Variants in GFI1B observed in about 807,000 individuals in gnomAD.
GFI1B encodes the protein growth factor independent 1B transcriptional repressor.
GFI1B carries 20 observed loss-of-function variants against 35.3 expected under a neutral mutation model. The observed-to-expected ratio is 0.57, with a 90% CI of 0.40 to 0.82. The LOEUF (loss-of-function observed/expected upper bound fraction) is 0.82. Among genes scored for constraint, GFI1B ranks in the 40% least tolerant of loss-of-function variants. The pLI is 0.00. For synonymous variants in GFI1B, 178 were observed against 177.6 expected (o/e 1.00, Z -0.02); for missense variants, 430 against 446.3 (o/e 0.96, Z 0.33).
chr9:132,986,997 G>A (rs915809518), intron 2 of GFI1B, among the ~76,000 whole-genome samples: 1 of 152,260 alleles, frequency 6.6e-6, no homozygotes, highest in African/African-American at 2.4e-5. Flanking sequence ...GTTGGAGCCA[G>A]TACTTAGTTA....
Position 132,986,772 on chromosome 9 carries a change from AC to A in GFI1B, c.98del (p.Pro33ArgfsTer134), listed in dbSNP as rs764369477. On this transcript the variant is annotated frameshift_variant, in exon 2 of 7. Transcript: ENST00000372122. LOFTEE classifies it high-confidence loss of function. ...EDEPLWPPAL[T>X]PVPRDQAPSN... ...TGAACCGCTCTGGCCTCCTGCCCTT[AC>A]CCCGGGTGAGTCAGAGCCCGGGCTG... is the stretch of plus-strand genomic sequence containing the variant. 2 of 1,606,246 alleles carry A rather than the reference AC, an allele frequency of 1.2e-6. No individual in the cohort carries two copies. The highest frequency in any genetic ancestry group is 1.7e-6 in the Non-Finnish European group (2 of 1,175,280).
At chr9:132,977,610 T>C (rs973520675), upstream of GFI1B, among the ~76,000 whole-genome samples, 3 of 152,184 alleles carry the variant, frequency 2.0e-5, no homozygotes, top group Admixed American at 6.5e-5. Flanking sequence ...TCTCATCTTA[T>C]GCAAAACCTC....
At chr9:132,977,610 T>A (rs973520675), upstream of GFI1B, among the ~76,000 whole-genome samples, 14 of 152,184 alleles carry the variant, frequency 9.2e-5, no homozygotes, top group African/African-American at 3.4e-4. Context: ...TCTCATCTTA[T>A]GCAAAACCTC....
chr9:132,989,290 T>A lies in GFI1B; in HGVS notation c.648+92T>A. 1 of 1,273,328 alleles carries A rather than the reference T, an allele frequency of 7.9e-7. No individual in the cohort carries two copies. The highest frequency in any genetic ancestry group is 1.1e-6 in the Non-Finnish European group (1 of 888,158). The allele number at this position is 1,273,328 out of a possible 1,614,324, so 78.9% of individuals were successfully genotyped here. A position where few individuals can be genotyped will look rare whatever the true frequency, so the allele number is the denominator to read the frequency against. On this transcript the variant is annotated intron_variant, in intron 5 of 6. Transcript: ENST00000372122. The surrounding 1 kb of genome is among the most constrained non-coding windows in gnomAD (Gnocchi z 6.2). ...GGGGCTGTGGCTGGGTCCCTCCCCC[T>A]GCCCCTGGGGGTGACACAGATTGGG...
At chr9:132,977,146 G>A (rs1848653615), upstream of GFI1B, among the ~76,000 whole-genome samples, 1 of 152,106 alleles carries the variant, frequency 6.6e-6, no homozygotes, top group Non-Finnish European at 1.5e-5. Flanking sequence ...TTGTAGAGAT[G>A]GGGTTTCTCC....
chr9:132,987,215 C>T (rs1849101433), intron 2 of GFI1B, 67 bp from the exon 3 acceptor site: 8 of 1,550,126 alleles, frequency 5.2e-6, no homozygotes, highest in Non-Finnish European at 7.1e-6. Flanking sequence ...AGGGCGTGCC[C>T]TCCTTGCTCC....
Position 132,986,636 on chromosome 9 carries a change from G to A in GFI1B, c.-20-23G>A, listed in dbSNP as rs530096075. On this transcript the variant is annotated intron_variant, in intron 1 of 6. Transcript: ENST00000372122. Reference sequence around the variant, plus strand: ...TATTGTTCTCTTGTCCTTCCTAACCGCTCCCATCCCTCCCCCTTGCAGGTG... The same window carrying A: ...TATTGTTCTCTTGTCCTTCCTAACCACTCCCATCCCTCCCCCTTGCAGGTG... 9.0e-5 allele frequency: 111 copies of A among 1,231,160 alleles called. No homozygotes were observed. The South Asian group carries it at 1.0e-3, about 12-fold the overall frequency. The allele number at this position is 1,231,160 out of a possible 1,614,324, so 76.3% of individuals were successfully genotyped here.
chr9:132,963,502 A>G (rs376063234), intron 1 of GFI1B, among the ~76,000 whole-genome samples: 4 of 150,180 alleles, frequency 2.7e-5, no homozygotes, highest in African/African-American at 4.9e-5. Flanking sequence ...TATTATTATT[A>G]TTGTTATTAT....
At chr9:132,955,796 G>GTGTGCA (rs1848273119) in intron 1 of GFI1B, among the ~76,000 whole-genome samples, 4 of 142,416 alleles carry the variant, frequency 2.8e-5, no homozygotes, top group African/African-American at 1.0e-4. Context: ...CGTGATGTGT[G>GTGTGCA]TGTGTGTGTG....
chr9:132,969,483 A>G (rs1413954246), intron 1 of GFI1B, among the ~76,000 whole-genome samples: 1 of 152,218 alleles, frequency 6.6e-6, no homozygotes, highest in African/African-American at 2.4e-5. Context: ...CTAAGGCTGA[A>G]TAATAATACT....
At chr9:132,992,238 T>G (rs1196923152), downstream of GFI1B, among the ~76,000 whole-genome samples, 1 of 152,146 alleles carries the variant, frequency 6.6e-6, no homozygotes. Context: ...GCCTCTCTCT[T>G]ATAAAGACCC....
intron 1 of GFI1B, among the ~76,000 whole-genome samples, chr9:132,982,955 G>C (rs1288625600): frequency 6.6e-6 from 1 of 152,162 alleles, no homozygotes; most frequent in African/African-American, 2.4e-5. Flanking sequence ...CTGTGCCTAA[G>C]TGAAAAGTGC....
intron 1 of GFI1B, among the ~76,000 whole-genome samples, chr9:132,980,837 G>GC (rs1482713474): frequency 6.6e-6 from 1 of 152,158 alleles, no homozygotes; most frequent in Non-Finnish European, 1.5e-5. Flanking sequence ...TGTAGCATGC[G>GC]CCAGCATTTC....
chr9:132,979,741 A>C (rs1848754643), intron 1 of GFI1B, among the ~76,000 whole-genome samples: 1 of 152,082 alleles, frequency 6.6e-6, no homozygotes, highest in African/African-American at 2.4e-5. Flanking sequence ...AACCAAGTTT[A>C]AGTGTTGAGG....
intron 1 of GFI1B, among the ~76,000 whole-genome samples, chr9:132,964,484 T>C (rs575832436): frequency 2.6e-5 from 4 of 152,296 alleles, no homozygotes; most frequent in African/African-American, 9.6e-5. Context: ...TTCAGCCACT[T>C]GTATTAAAAA....
upstream of GFI1B, among the ~76,000 whole-genome samples, chr9:132,974,165 A>G (rs982726808): frequency 6.6e-6 from 1 of 152,214 alleles, no homozygotes; most frequent in East Asian, 1.9e-4. Flanking sequence ...CTCTGTGAAG[A>G]TATCATTAGT....
intron 1 of GFI1B, among the ~76,000 whole-genome samples, chr9:132,960,249 A>T (rs1267791743): frequency 6.6e-6 from 1 of 152,226 alleles, no homozygotes; most frequent in Non-Finnish European, 1.5e-5. Context: ...TTACGACAGT[A>T]GGACCCAGCT....
chr9:132,990,186 C>A (rs913546448), intron 6 of GFI1B, among the ~76,000 whole-genome samples: 1 of 152,198 alleles, frequency 6.6e-6, no homozygotes, highest in African/African-American at 2.4e-5. Context: ...CATTCACTCA[C>A]TCACTTGCTC....
downstream of GFI1B, among the ~76,000 whole-genome samples, chr9:132,993,425 A>G (rs1331054710): frequency 6.6e-6 from 1 of 152,164 alleles, no homozygotes; most frequent in Non-Finnish European, 1.5e-5. Flanking sequence ...AGTAGACCAG[A>G]GCTGGGACCC....
Sources: allele counts gnomAD v4.1 joint callset (sites outside exome capture counted in the v4.1 genomes callset), GRCh38; gene constraint gnomAD v4.1.1; non-coding constraint Gnocchi (gnomAD v3.1); transcripts MANE v1.5; gene names NCBI Gene and HGNC (gene_info 2026-07-23, HGNC 2026-07-21).